RYR2: variants seen among roughly 807,000 people sequenced by gnomAD.
The protein encoded by RYR2 is cardiac muscle ryanodine receptor-calcium release channel.
A neutral mutation model predicts 601.1 loss-of-function variants in RYR2; 227 were observed. The observed-to-expected ratio is 0.38, with a 90% CI of 0.34 to 0.42. The LOEUF (loss-of-function observed/expected upper bound fraction) is 0.42, where lower values mean the gene tolerates loss of function less well. RYR2 is among the 10% of genes least tolerant of loss of function. RYR2 has a pLI of 1.00. For synonymous variants in RYR2, 2,223 were observed against 2,175.1 expected (o/e 1.02, Z -0.61); for missense variants, 4,646 against 6,156.5 (o/e 0.75, Z 8.21).
intron 10 of RYR2, among the ~76,000 whole-genome samples, chr1:237,414,524 C>T (rs146162829): frequency 2.5e-4 from 38 of 152,094 alleles, no homozygotes; most frequent in East Asian, 1.9e-3. Flanking sequence ...GGGTAGAATA[C>T]GATATATGGC....
intron 1 of RYR2, among the ~76,000 whole-genome samples, chr1:237,149,075 G>A (rs1674400029): frequency 6.6e-6 from 1 of 152,180 alleles, no homozygotes; most frequent in Non-Finnish European, 1.5e-5. Flanking sequence ...CATTTCTGGA[G>A]TGTTCAGAGA....
intron 1 of RYR2, among the ~76,000 whole-genome samples, chr1:237,214,910 A>AC (rs1683001520): frequency 6.6e-6 from 1 of 152,230 alleles, no homozygotes; most frequent in South Asian, 2.1e-4. Flanking sequence ...ATCCTGGAGC[A>AC]CGTATATATC....
intron 25 of RYR2, 110 bp downstream of exon 25, chr1:237,530,620 C>A: frequency 3.2e-6 from 3 of 923,712 alleles, no homozygotes; most frequent in Non-Finnish European, 5.1e-6. Context: ...CTTTAAAATT[C>A]AGATTCAAGG....
intron 58 of RYR2, among the ~76,000 whole-genome samples, chr1:237,669,487 C>T (rs959626905): frequency 3.5e-5 from 5 of 142,374 alleles, no homozygotes; most frequent in African/African-American, 5.1e-5. Flanking sequence ...CCGGACGGGG[C>T]GGCTGGCCGG....
At position 237,535,484 on chromosome 1, in the gene RYR2, T is replaced by TACACACACACAC. The variant is rs58146773; in HGVS notation, c.2906+4997_2906+5008dup. ...TTAAAGGAATTGAATCAAACACACA[T>TACACACACACAC]ACACACACACACACACACACACACA... On this transcript the variant is annotated intron_variant, in intron 25 of 104. Coordinates refer to ENST00000366574, the MANE Select transcript of RYR2 (RefSeq NM_001035.3). Among the ~76,000 whole-genome samples the TACACACACACAC allele has an allele frequency of 9.2e-4, 133 of 144,720 alleles. 1 individual carries two copies. Among genetic ancestry groups the TACACACACACAC allele is most frequent in the African/African-American group, 2.7e-3 (106 of 38,694 alleles). 94.9% of individuals were successfully genotyped at this position (144,720 alleles called of 152,430 possible).
At chr1:237,239,065 G>A (rs575759957) in intron 1 of RYR2, among the ~76,000 whole-genome samples, 2 of 152,132 alleles carry the variant, frequency 1.3e-5, no homozygotes, top group African/African-American at 4.8e-5. Flanking sequence ...AACAATTAAG[G>A]CAAAAAGTTA....
At position 237,798,801 on chromosome 1, in the gene RYR2, C is replaced by T. The variant is rs1773456; in HGVS notation, c.14090+631C>T. On this transcript the variant is annotated intron_variant, in intron 97 of 104. Transcript: ENST00000366574. Reference sequence around the variant, plus strand: ...TCACACACACACACACACACACACACATATAGTGTGAGTGTACAGATATAT... The same window carrying T: ...TCACACACACACACACACACACACATATATAGTGTGAGTGTACAGATATAT... 3.0e-3 allele frequency among the ~76,000 whole-genome samples: 450 copies of T among 148,252 alleles called. 1 individual carries two copies. Among genetic ancestry groups the T allele is most frequent in the East Asian group, 9.0e-3 (46 of 5,110 alleles).
At chr1:237,625,042 G>GTA (rs200962072) in intron 39 of RYR2, among the ~76,000 whole-genome samples, 1,724 of 149,706 alleles carry the variant, frequency 0.012, 12 homozygotes, top group Admixed American at 0.015. Context: ...GTATGTGTGT[G>GTA]TATATATATA....
At chr1:237,615,259 A>G (rs866813363) in intron 37 of RYR2, among the ~76,000 whole-genome samples, 31 of 152,266 alleles carry the variant, frequency 2.0e-4, no homozygotes, top group Middle Eastern at 6.8e-3. Flanking sequence ...TGGTGCAATC[A>G]TAGCTCACTG....
chr1:237,630,766 A>G (rs1179575296), intron 41 of RYR2, among the ~76,000 whole-genome samples: 1 of 152,184 alleles, frequency 6.6e-6, no homozygotes, highest in Non-Finnish European at 1.5e-5. Context: ...ACATATTACA[A>G]GAATATGTAA....
chr1:237,328,402 C>T (rs1696371411), intron 2 of RYR2, among the ~76,000 whole-genome samples: 1 of 150,144 alleles, frequency 6.7e-6, no homozygotes, highest in South Asian at 2.1e-4. Flanking sequence ...CTTTTCCTAG[C>T]CTTTGAACTT....
intron 2 of RYR2, among the ~76,000 whole-genome samples, chr1:237,289,839 G>A (rs927009713): frequency 1.2e-4 from 18 of 152,168 alleles, no homozygotes; most frequent in African/African-American, 4.3e-4. Flanking sequence ...AGAAGGAAAT[G>A]CTAAGATTTT....
intron 88 of RYR2, 72 bp from the exon 89 acceptor site, chr1:237,781,493 G>A: frequency 1.3e-6 from 1 of 756,034 alleles, no homozygotes; most frequent in Non-Finnish European, 2.3e-6. Flanking sequence ...CATCCTTTTT[G>A]TGAGAATAAG....
chr1:237,181,128 C>T (rs928065881), intron 1 of RYR2, among the ~76,000 whole-genome samples: 13 of 151,924 alleles, frequency 8.6e-5, no homozygotes, highest in Non-Finnish European at 1.3e-4. Context: ...GGATTACAGG[C>T]ACCTGCCACC....
At chr1:237,148,506 A>C (rs1674263564) in intron 1 of RYR2, among the ~76,000 whole-genome samples, 2 of 97,844 alleles carry the variant, frequency 2.0e-5, no homozygotes, top group South Asian at 3.7e-4. Context: ...TGTATCCCAG[A>C]ACTTCAAGTA....
At chr1:237,189,106 A>G (rs1679684358) in intron 1 of RYR2, among the ~76,000 whole-genome samples, 1 of 152,018 alleles carries the variant, frequency 6.6e-6, no homozygotes, top group Non-Finnish European at 1.5e-5. Context: ...TGTGATTTTG[A>G]TTACTTCAGA....
At chr1:237,361,078 C>G (rs1016890495) in intron 4 of RYR2, among the ~76,000 whole-genome samples, 4 of 152,086 alleles carry the variant, frequency 2.6e-5, no homozygotes, top group African/African-American at 9.7e-5. Context: ...TGGGCTCAAG[C>G]AGATACTCCT....
At chr1:237,756,240 T>C (rs1450410230) in intron 80 of RYR2, 48 bp from the exon 81 acceptor site, 2 of 1,261,986 alleles carry the variant, frequency 1.6e-6, no homozygotes, top group Non-Finnish European at 2.3e-6. Context: ...TAGAAATCTG[T>C]TGTGCTTACT....
chr1:237,122,024 C>T (rs1234071520), intron 1 of RYR2, among the ~76,000 whole-genome samples: 1 of 152,200 alleles, frequency 6.6e-6, no homozygotes, highest in Non-Finnish European at 1.5e-5. Context: ...TTGAGGAACA[C>T]CTGCCTTACC....
Sources: allele counts gnomAD v4.1 joint callset (sites outside exome capture counted in the v4.1 genomes callset), GRCh38; gene constraint gnomAD v4.1.1; transcripts MANE v1.5; gene names NCBI Gene and HGNC (gene_info 2026-07-23, HGNC 2026-07-21).